PRKG1: variants seen among roughly 807,000 people sequenced by gnomAD.
PRKG1 encodes the protein protein kinase cGMP-dependent 1.
In PRKG1, 35 loss-of-function variants were observed where a neutral mutation model predicts 88.1. The observed-to-expected ratio is 0.40, with a 90% CI of 0.30 to 0.53. The LOEUF is 0.53. PRKG1 is among the 20% of genes least tolerant of loss of function. The probability of loss-of-function intolerance (pLI) is 0.59; values close to 1 mark genes in which losing one functional copy is unlikely to be tolerated. For missense variants in PRKG1, 540 were observed against 839.8 expected (o/e 0.64, Z 4.41); for synonymous variants, 303 against 292.5 (o/e 1.04, Z -0.37).
intron 3 of PRKG1, among the ~76,000 whole-genome samples, chr10:51,605,241 A>G (rs1838732248): frequency 6.6e-6 from 1 of 152,058 alleles, no homozygotes; most frequent in Non-Finnish European, 1.5e-5. Flanking sequence ...TGGGCACAGG[A>G]TGGGGGGGCA....
intron 2 of PRKG1, among the ~76,000 whole-genome samples, chr10:51,377,669 G>A (rs1842844182): frequency 6.6e-6 from 1 of 151,440 alleles, no homozygotes. Flanking sequence ...CTGATTTGTT[G>A]TTTTTCTTTA....
chr10:51,661,566 A>C (rs978485015), intron 3 of PRKG1, among the ~76,000 whole-genome samples: 5 of 152,188 alleles, frequency 3.3e-5, no homozygotes, highest in Non-Finnish European at 5.9e-5. Context: ...AATCATTAAA[A>C]AGTCAGGAAA....
intron 17 of PRKG1, among the ~76,000 whole-genome samples, chr10:52,293,122 C>G (rs1842296011): frequency 6.7e-6 from 1 of 149,182 alleles, no homozygotes. Context: ...CAATAACAGA[C>G]AAACAGAGAG....
intron 2 of PRKG1, among the ~76,000 whole-genome samples, chr10:51,167,242 A>G (rs747436623): frequency 6.6e-6 from 1 of 152,182 alleles, no homozygotes; most frequent in Non-Finnish European, 1.5e-5. Flanking sequence ...CTTCCCTGGG[A>G]GGGTAGCATT....
At chr10:51,036,424 T>C (rs1843354750) in intron 1 of PRKG1, among the ~76,000 whole-genome samples, 1 of 151,988 alleles carries the variant, frequency 6.6e-6, no homozygotes, top group South Asian at 2.1e-4. Flanking sequence ...GCCTGGGATA[T>C]GAGCATGGAG....
intron 5 of PRKG1, among the ~76,000 whole-genome samples, chr10:51,992,103 G>T (rs1023842682): frequency 6.6e-6 from 1 of 151,924 alleles, no homozygotes; most frequent in South Asian, 2.1e-4. Context: ...TTTAGATATG[G>T]AAACTAACAT....
chr10:51,327,862 G>C (rs1296889833), intron 2 of PRKG1, among the ~76,000 whole-genome samples: 2 of 152,040 alleles, frequency 1.3e-5, no homozygotes, highest in African/African-American at 4.8e-5. Context: ...TCATTATGTG[G>C]CACATGACTG....
intron 5 of PRKG1, among the ~76,000 whole-genome samples, chr10:51,913,778 A>C (rs531477517): frequency 6.6e-6 from 1 of 152,314 alleles, no homozygotes; most frequent in Admixed American, 6.5e-5. Flanking sequence ...GACAATAAAT[A>C]TTAGAGATTA....
chr10:51,730,869 CT>C (rs1842254684), intron 3 of PRKG1, among the ~76,000 whole-genome samples: 1 of 152,108 alleles, frequency 6.6e-6, no homozygotes, highest in South Asian at 2.1e-4. Flanking sequence ...TTACAAAAAC[CT>C]TCTGGCCGGG....
At chr10:51,778,062 A>G (rs1175151918) in intron 3 of PRKG1, among the ~76,000 whole-genome samples, 1 of 152,110 alleles carries the variant, frequency 6.6e-6, no homozygotes, top group Non-Finnish European at 1.5e-5. Flanking sequence ...AATTCTGATT[A>G]CTTGTGCCTT....
intron 1 of PRKG1, among the ~76,000 whole-genome samples, chr10:51,036,580 A>T (rs374772541): frequency 6.6e-6 from 1 of 152,118 alleles, no homozygotes. Flanking sequence ...TTTTCTTTTC[A>T]TGCTTTTCAT....
intron 1 of PRKG1, among the ~76,000 whole-genome samples, chr10:50,999,482 C>G (rs989428694): frequency 5.3e-5 from 8 of 152,190 alleles, no homozygotes; most frequent in Non-Finnish European, 1.0e-4. Flanking sequence ...AATTCAGACT[C>G]TCCTTCCTTT....
intron 2 of PRKG1, among the ~76,000 whole-genome samples, chr10:51,399,337 G>A (rs190166690): frequency 1.7e-4 from 26 of 152,162 alleles, no homozygotes; most frequent in Admixed American, 5.9e-4. Context: ...CTGTTTCTCC[G>A]GAGAACTCAT....
chr10:52,200,112 G>A (rs1839625945), intron 9 of PRKG1, among the ~76,000 whole-genome samples: 1 of 151,994 alleles, frequency 6.6e-6, no homozygotes, highest in South Asian at 2.1e-4. Context: ...TGTTATGTAG[G>A]TAAATTGGAT....
chr10:51,179,571 GT>G (rs1001769965), intron 2 of PRKG1, among the ~76,000 whole-genome samples: 1 of 152,162 alleles, frequency 6.6e-6, no homozygotes, highest in African/African-American at 2.4e-5. Context: ...AAGGCTGAAA[GT>G]TTTTGATTTT....
chr10:51,698,975 T>A, intron 3 of PRKG1: 1 of 1,614,268 alleles, frequency 6.2e-7, no homozygotes, highest in South Asian at 1.1e-5. Flanking sequence ...TATCTTCCGA[T>A]GCAGAATTTT....
At chr10:51,469,211 G>C (rs189140821) in intron 3 of PRKG1, among the ~76,000 whole-genome samples, 205 of 151,920 alleles carry the variant, frequency 1.3e-3, no homozygotes, top group African/African-American at 4.5e-3. Context: ...TTACAATCAT[G>C]CTTCATTTTC....
intron 2 of PRKG1, among the ~76,000 whole-genome samples, chr10:51,333,959 C>T (rs767103815): frequency 2.0e-5 from 3 of 152,190 alleles, no homozygotes; most frequent in African/African-American, 4.8e-5. Flanking sequence ...TAACAAATTG[C>T]ACCCAGAGTT....
At chr10:51,228,746 C>A (rs985588101) in intron 2 of PRKG1, among the ~76,000 whole-genome samples, 1 of 152,160 alleles carries the variant, frequency 6.6e-6, no homozygotes, top group Non-Finnish European at 1.5e-5. Context: ...ATTAAGTAAT[C>A]ATTTTCCTCT....
Sources: allele counts gnomAD v4.1 joint callset (sites outside exome capture counted in the v4.1 genomes callset), GRCh38; gene constraint gnomAD v4.1.1; transcripts MANE v1.5; gene names NCBI Gene and HGNC (gene_info 2026-07-23, HGNC 2026-07-21).